TMPO: variants seen among roughly 807,000 people sequenced by gnomAD.
TMPO encodes the protein LEM domain containing 4.
A neutral mutation model predicts 45.4 loss-of-function variants in TMPO; 22 were observed. The ratio of observed to expected loss-of-function variants is 0.48; its 90% CI spans 0.35 to 0.69. TMPO has a LOEUF of 0.69. TMPO is among the 30% of genes least tolerant of loss of function. The pLI, the probability that TMPO is intolerant of heterozygous loss-of-function variation, is 0.01. For synonymous variants in TMPO, 241 were observed against 204.1 expected (o/e 1.18, Z -1.54); for missense variants, 512 against 548.8 (o/e 0.93, Z 0.67).
chr12:98,529,132 C>T (rs543334249), intron 2 of TMPO, among the ~76,000 whole-genome samples: 1 of 151,018 alleles, frequency 6.6e-6, no homozygotes, highest in South Asian at 2.1e-4. Flanking sequence ...TGGCTCACTG[C>T]AACCTCTGCC....
chr12:98,535,447 C>T (rs555185636), intron 3 of TMPO: 2 of 985,216 alleles, frequency 2.0e-6, no homozygotes, highest in Admixed American at 6.1e-5. Flanking sequence ...CTTGGGTACT[C>T]CCTCTGGCCA....
chr12:98,531,258 T>TA (rs1592942611), intron 2 of TMPO, among the ~76,000 whole-genome samples: 2 of 146,120 alleles, frequency 1.4e-5, no homozygotes, highest in East Asian at 2.0e-4. Context: ...TTTTTTTTTT[T>TA]AAGACAGCAT....
At chr12:98,533,857 C>G in intron 3 of TMPO, 3 of 1,614,182 alleles carry the variant, frequency 1.9e-6, no homozygotes, top group Non-Finnish European at 2.5e-6. Context: ...ATTATCAGTT[C>G]CAAAAGTAGA....
At chr12:98,521,965 T>A (rs1314405139) in intron 1 of TMPO, among the ~76,000 whole-genome samples, 1 of 152,058 alleles carries the variant, frequency 6.6e-6, no homozygotes, top group Admixed American at 6.6e-5. Context: ...TTCCTGACTT[T>A]GTGATCTGCC....
chr12:98,522,505 A>G (rs1002204208), intron 1 of TMPO, among the ~76,000 whole-genome samples: 5 of 152,206 alleles, frequency 3.3e-5, no homozygotes, highest in Admixed American at 6.6e-5. Context: ...ATGACACTGA[A>G]CAGTGTCTTA....
chr12:98,546,493 A>G (rs1260568153), intron 8 of TMPO, 46 bp downstream of exon 8: 6 of 1,323,000 alleles, frequency 4.5e-6, no homozygotes, highest in African/African-American at 4.3e-5. Flanking sequence ...CTAGTAGGGA[A>G]TCTTTATTTT....
intron 8 of TMPO, among the ~76,000 whole-genome samples, chr12:98,547,335 A>G (rs1878285479): frequency 6.6e-6 from 1 of 152,188 alleles, no homozygotes; most frequent in African/African-American, 2.4e-5. Context: ...TTGGCCTCCC[A>G]AAGTGCTGGG....
chr12:98,527,662 A>G (rs570177154), intron 1 of TMPO: 6 of 516,688 alleles, frequency 1.2e-5, no homozygotes, highest in South Asian at 4.7e-5. Context: ...TTTAACAACA[A>G]TGTCTTTAAG....
Position 98,537,520 on chromosome 12 carries a change from G to A in TMPO, c.611G>A (p.Gly204Asp), listed in dbSNP as rs758869949. The change falls in exon 4 of 9, where the codon GGC (glycine) becomes GAC (aspartate). Residue 204 changes from glycine (G) to aspartate (D), a missense_variant. Physicochemically the swap from Gly to Asp is moderately conservative, Grantham distance 94 (BLOSUM62 -1). This residue lies in a region of TMPO where 299 missense variants were observed against 296.7 expected (regional missense o/e 1.01). Transcript: ENST00000556029. ...CTTGAGAAGAGAGAACCACTAAAGGGCAGAGCAAAGACTCCAGTAACACTC... is the reference window on the plus strand; with the variant it reads ...CTTGAGAAGAGAGAACCACTAAAGGACAGAGCAAAGACTCCAGTAACACTC... The part of the protein sequence containing the change: ...LKLEKREPLK[G>D]RAKTPVTLKQ... The A allele has an allele frequency of 2.5e-6, 4 of 1,613,640 alleles. No homozygotes were observed. In the Admixed American group the frequency reaches 6.7e-5, roughly 27 times the overall value.
intron 1 of TMPO, among the ~76,000 whole-genome samples, chr12:98,518,910 C>CT (rs776864827): frequency 1.3e-5 from 2 of 150,746 alleles, no homozygotes; most frequent in Non-Finnish European, 3.0e-5. Context: ...TGAGACGAGT[C>CT]TTGCTCTGTC....
In TMPO at chr12:98,546,390, A is replaced by G. The variant is rs1878230785; in HGVS notation, c.1022A>G (p.Glu341Gly). Residue 341 changes from glutamate (E) to glycine (G), a missense_variant, in exon 8 of 9, where the codon GAA becomes GGA. This residue lies in a region of TMPO where 209 missense variants were observed against 235.1 expected (regional missense o/e 0.89). Coordinates refer to ENST00000556029, the MANE Select transcript of TMPO (RefSeq NM_001032283.3). ...VGEKTEERRV[E>G]RDILKEMFPY... ...GAAAAAACAGAGGAAAGAAGAGTAG[A>G]AAGGGATATTCTTAAGGAAATGTTC... is the stretch of plus-strand genomic sequence containing the variant. The G allele has an allele frequency of 6.2e-7, 1 of 1,613,012 alleles. No homozygotes were observed.
intron 2 of TMPO, 152 bp from the exon 3 acceptor site, chr12:98,531,528 T>C (rs1877191530): frequency 1.2e-6 from 1 of 822,032 alleles, no homozygotes; most frequent in South Asian, 1.7e-5. Flanking sequence ...AGCCACTATG[T>C]CTGGCCGCAT....
chr12:98,534,023 T>C, intron 3 of TMPO: 1 of 1,607,926 alleles, frequency 6.2e-7, no homozygotes, highest in Non-Finnish European at 8.5e-7. Flanking sequence ...ACTGCCTTTG[T>C]AGCTAAGGCT....
intron 1 of TMPO, among the ~76,000 whole-genome samples, chr12:98,522,418 TA>T (rs1876441416): frequency 6.6e-6 from 1 of 152,210 alleles, no homozygotes; most frequent in South Asian, 2.1e-4. Context: ...ACCACCACTG[TA>T]TAATAAGGTG....
At chr12:98,538,523 T>A (rs1877709800) in intron 4 of TMPO, among the ~76,000 whole-genome samples, 1 of 152,098 alleles carries the variant, frequency 6.6e-6, no homozygotes, top group Admixed American at 6.5e-5. Flanking sequence ...CAGCTAATTT[T>A]TGTATTTTTA....
chr12:98,516,176 C>T (rs904637574), intron 1 of TMPO, 30 bp downstream of exon 1: 31 of 1,334,518 alleles, frequency 2.3e-5, no homozygotes, highest in Non-Finnish European at 2.2e-5. Context: ...GCTACAAAGG[C>T]GGGCGTTTGG....
intron 1 of TMPO, chr12:98,516,565 CA>C: frequency 3.0e-6 from 3 of 1,006,060 alleles, no homozygotes; most frequent in Non-Finnish European, 2.4e-6. Context: ...TGACTCGCAG[CA>C]GAGTCTCAGA....
Position 98,534,005 on chromosome 12 carries a change from C to T in TMPO, c.565+2167C>T, listed in dbSNP as rs1432199488. ...GCTGCAGCATCAGCATTGCAGATTG[C>T]AACTCACACTGCCTTTGTAGCTAAG... On this transcript the variant is annotated intron_variant, in intron 3 of 8. Coordinates refer to ENST00000556029, the MANE Select transcript of TMPO (RefSeq NM_001032283.3). 6.2e-7 allele frequency: 1 copy of T among 1,607,622 alleles called. No individual in the cohort carries two copies. The highest frequency in any genetic ancestry group is 1.3e-5 in the African/African-American group (1 of 74,866).
At chr12:98,544,186 T>G in intron 4 of TMPO, 44 bp from the exon 5 acceptor site, 1 of 1,609,254 alleles carries the variant, frequency 6.2e-7, no homozygotes, top group Non-Finnish European at 8.5e-7. Flanking sequence ...ATTAAAGTAT[T>G]TGATGTTAGA....
Sources: gnomAD v4.1 joint callset for allele counts (sites outside exome capture counted in the v4.1 genomes callset) on GRCh38, gnomAD v4.1.1 for gene constraint, gnomAD v4.1.1 regional missense constraint, MANE v1.5 for transcripts, NCBI Gene and HGNC (gene_info 2026-07-23, HGNC 2026-07-21) for gene names.